CDK5RAP2: variants seen among roughly 807,000 people sequenced by gnomAD.
CDK5RAP2 encodes CDK5 regulatory subunit associated protein 2.
A neutral mutation model predicts 232.9 loss-of-function variants in CDK5RAP2; 147 were observed. The observed-to-expected ratio is 0.63, with a 90% CI of 0.55 to 0.72. CDK5RAP2 has a LOEUF of 0.72. CDK5RAP2 is among the 30% of genes least tolerant of loss of function. CDK5RAP2 has a pLI of 0.00. For missense variants in CDK5RAP2, 2,195 were observed against 2,231.5 expected, an observed-to-expected ratio of 0.98 and a Z score of 0.33; for synonymous variants, 833 against 833.7, an observed-to-expected ratio of 1.00 and a Z score of 0.01.
At chr9:120,424,464 G>T (rs187283057) in intron 25 of CDK5RAP2, among the ~76,000 whole-genome samples, 1 of 152,168 alleles carries the variant, frequency 6.6e-6, no homozygotes, top group Non-Finnish European at 1.5e-5. Flanking sequence ...GAACCAGCTT[G>T]TAAGACCATC....
In CDK5RAP2 at chr9:120,437,382, C is replaced by T; in HGVS notation, c.3868G>A (p.Val1290Met). ...AAACCCTCGGCCACACAGTAATCCA[C>T]ATCACTGGCCTGCAGCAACTCCTCA... is the stretch of plus-strand genomic sequence containing the variant. ...AFEELLQASD[V>M]DYCVAEGFQE... The change falls in exon 25 of 38, where the codon GTG (valine) becomes ATG (methionine). Residue 1290 changes from valine (V) to methionine (M), a missense_variant. By Grantham distance (21) the Val-to-Met change is conservative. Coordinates refer to ENST00000349780, the MANE Select transcript of CDK5RAP2 (RefSeq NM_018249.6). 3 of 1,614,114 alleles carry T rather than the reference C, an allele frequency of 1.9e-6. No homozygotes were observed. Among genetic ancestry groups the T allele is most frequent in the Admixed American group, 3.3e-5 (2 of 60,026 alleles).
Position 120,503,112 on chromosome 9 carries a change from C to T in CDK5RAP2, c.1312-11635G>A, listed in dbSNP as rs567344599. ...ACCCCAAATTCTGTGCTTTTTCCAC[C>T]CAAATGTGCTATTGTTAAGGCTAAA... is the stretch of plus-strand genomic sequence containing the variant. On this transcript the variant is annotated intron_variant, in intron 12 of 37. Coordinates refer to ENST00000349780, the MANE Select transcript of CDK5RAP2 (RefSeq NM_018249.6). Among the ~76,000 whole-genome samples the T allele has an allele frequency of 2.0e-5, 3 of 152,200 alleles. No homozygotes were observed. In the East Asian group the frequency reaches 5.8e-4, roughly 29 times the overall value.
In CDK5RAP2 at chr9:120,562,802, T is replaced by C. The variant is rs201110302; in HGVS notation, c.195+5519A>G. On this transcript the variant is annotated intron_variant, in intron 3 of 37. Transcript: ENST00000349780. ...CGCCCTGTTTGCTAAAGATCTGGTA[T>C]AGCAGGCACTATCCTAGCATGTTAT... is the stretch of plus-strand genomic sequence containing the variant. Among the ~76,000 whole-genome samples the C allele has an allele frequency of 2.0e-5, 3 of 152,188 alleles. No individual in the cohort carries two copies. The East Asian group carries it at 5.8e-4, about 29-fold the overall frequency.
intron 3 of CDK5RAP2, among the ~76,000 whole-genome samples, chr9:120,567,476 T>C (rs904527557): frequency 6.6e-6 from 1 of 152,236 alleles, no homozygotes; most frequent in Non-Finnish European, 1.5e-5. Context: ...ATGGATTTCA[T>C]TTGCTTACAA....
At chr9:120,422,935 C>T (rs1053962203) in intron 25 of CDK5RAP2, among the ~76,000 whole-genome samples, 194 bp from the exon 26 acceptor site, 2 of 152,220 alleles carry the variant, frequency 1.3e-5, no homozygotes, top group African/African-American at 2.4e-5. Context: ...ACTGCATTGA[C>T]ACTAGTGCTA....
At chr9:120,419,675 C>G in intron 27 of CDK5RAP2, 113 bp downstream of exon 27, 1 of 839,414 alleles carries the variant, frequency 1.2e-6, no homozygotes, top group Non-Finnish European at 2.1e-6. Flanking sequence ...AATGGGATCT[C>G]CTTTCATCAG....
In CDK5RAP2 at chr9:120,402,848, G is replaced by T. The variant is rs1460639764; in HGVS notation, c.5265C>A (p.Thr1755=). The T allele has an allele frequency of 2.5e-6, 4 of 1,614,004 alleles. No homozygotes were observed. The African/African-American group carries it at 5.3e-5, about 22-fold the overall frequency. ...QRLLAEMDIQ[T]QEAPSSTSQE... The stretch of plus-strand genomic sequence containing the variant: ...GACTTGTGGAGCTGGGAGCCTCTTG[G>T]GTTTGAATGTCCATTTCAGCAAGGA... Residue 1755 remains threonine (T), a synonymous_variant, in exon 34 of 38, where the codon ACC becomes ACA. Coordinates refer to ENST00000349780, the MANE Select transcript of CDK5RAP2 (RefSeq NM_018249.6).
intron 22 of CDK5RAP2, among the ~76,000 whole-genome samples, chr9:120,447,678 C>G (rs1202831960): frequency 6.6e-6 from 1 of 152,228 alleles, no homozygotes; most frequent in African/African-American, 2.4e-5. Flanking sequence ...TGCAAGTTCC[C>G]TTTATCCAGA....
chr9:120,572,028 T>C lies in CDK5RAP2; in HGVS notation c.73A>G (p.Ser25Gly), dbSNP rs1443536682. The C allele has an allele frequency of 3.1e-6, 5 of 1,613,538 alleles. No homozygotes were observed. Among genetic ancestry groups the C allele is most frequent in the South Asian group, 1.1e-5 (1 of 91,090 alleles). ...ATGCCATCCAGGTCATCTGGTACAC[T>C]GGGAACAAGGCCACTAGGAGAGAAC... ...TLSGCSGLVP[S>G]VPDDLDGINP... The change falls in exon 2 of 38, where the codon AGT (serine) becomes GGT (glycine). Residue 25 changes from serine (S) to glycine (G), a missense_variant. Coordinates refer to ENST00000349780, the MANE Select transcript of CDK5RAP2 (RefSeq NM_018249.6).
At chr9:120,496,496 G>A (rs867003517) in intron 12 of CDK5RAP2, among the ~76,000 whole-genome samples, 245 of 138,324 alleles carry the variant, frequency 1.8e-3, no homozygotes, top group Non-Finnish European at 2.9e-3. Context: ...CAGCCGCCCC[G>A]TCCGGGAGGG....
chr9:120,575,610 T>C (rs1449043732), intron 1 of CDK5RAP2, among the ~76,000 whole-genome samples: 1 of 152,218 alleles, frequency 6.6e-6, no homozygotes, highest in Non-Finnish European at 1.5e-5. Flanking sequence ...AACTCACTTT[T>C]GTCTTTTAAC....
intron 12 of CDK5RAP2, among the ~76,000 whole-genome samples, chr9:120,501,686 T>A (rs114869765): frequency 0.019 from 2,832 of 152,106 alleles, 103 homozygotes; most frequent in African/African-American, 0.064. Flanking sequence ...TTTCCAGCCA[T>A]CCCCGACAAG....
intron 15 of CDK5RAP2, among the ~76,000 whole-genome samples, chr9:120,476,790 C>A (rs1214816383): frequency 6.6e-6 from 1 of 152,034 alleles, no homozygotes; most frequent in Non-Finnish European, 1.5e-5. Flanking sequence ...GGACACAGAG[C>A]TAGAAAGTGG....
intron 20 of CDK5RAP2, among the ~76,000 whole-genome samples, chr9:120,455,858 A>C (rs1475883015): frequency 6.6e-6 from 1 of 152,216 alleles, no homozygotes; most frequent in African/African-American, 2.4e-5. Context: ...TGACTGCAAA[A>C]TATGCACACC....
intron 12 of CDK5RAP2, among the ~76,000 whole-genome samples, chr9:120,518,210 T>TGAGACAGAGAGA (rs1554770757): frequency 2.3e-5 from 1 of 43,934 alleles, no homozygotes; most frequent in Non-Finnish European, 4.9e-5. Context: ...TGTGTGTGTG[T>TGAGACAGAGAGA]GAGAGAGAGA....
At chr9:120,569,991 G>A (rs1156898869) in intron 2 of CDK5RAP2, among the ~76,000 whole-genome samples, 1 of 152,092 alleles carries the variant, frequency 6.6e-6, no homozygotes, top group Non-Finnish European at 1.5e-5. Flanking sequence ...TGTTGAGAGA[G>A]GAAAGTACAC....
chr9:120,540,716 C>G (rs1228735636), intron 5 of CDK5RAP2, among the ~76,000 whole-genome samples: 1 of 152,342 alleles, frequency 6.6e-6, no homozygotes, highest in East Asian at 1.9e-4. Flanking sequence ...AATTACCTCT[C>G]ACACCTCAGT....
At chr9:120,425,615 TG>T (rs1399239170) in intron 25 of CDK5RAP2, among the ~76,000 whole-genome samples, 1 of 152,244 alleles carries the variant, frequency 6.6e-6, no homozygotes, top group Non-Finnish European at 1.5e-5. Context: ...CTCTCTGCAC[TG>T]ATCCATTCTG....
intron 25 of CDK5RAP2, among the ~76,000 whole-genome samples, chr9:120,432,992 T>G (rs1208537958): frequency 6.6e-6 from 1 of 152,182 alleles, no homozygotes; most frequent in African/African-American, 2.4e-5. Context: ...TTCATAAAGC[T>G]GGGAAAAGTC....
Sources: gnomAD v4.1 joint callset for allele counts (sites outside exome capture counted in the v4.1 genomes callset) on GRCh38, gnomAD v4.1.1 for gene constraint, MANE v1.5 for transcripts, NCBI Gene and HGNC (gene_info 2026-07-23, HGNC 2026-07-21) for gene names.